CTIF: variants seen among roughly 807,000 people sequenced by gnomAD.
CTIF encodes CBP80/20-dependent translation initiation factor.
A neutral mutation model predicts 66.0 loss-of-function variants in CTIF; 21 were observed. That is an observed-to-expected ratio of 0.32 (90% CI 0.23 to 0.46). CTIF has a LOEUF of 0.46. Ranked by LOEUF, CTIF falls within the 20% of genes least tolerant of loss-of-function variation. CTIF has a pLI of 1.00. For synonymous variants in CTIF, 345 were observed against 326.4 expected (o/e 1.06, Z -0.62); for missense variants, 739 against 812.7 (o/e 0.91, Z 1.10).
intron 3 of CTIF, among the ~76,000 whole-genome samples, chr18:48,658,234 A>G (rs573527907): frequency 4.0e-5 from 6 of 151,680 alleles, no homozygotes; most frequent in African/African-American, 9.7e-5. Context: ...GTGTGTGTGT[A>G]TATGCCTGTG....
At chr18:48,671,565 A>G (rs1320056141) in intron 6 of CTIF, among the ~76,000 whole-genome samples, 1 of 152,182 alleles carries the variant, frequency 6.6e-6, no homozygotes, top group African/African-American at 2.4e-5. Context: ...ATGAGAGACA[A>G]TAGAGCATAC....
chr18:48,556,453 A>G (rs1437767945), intron 1 of CTIF, among the ~76,000 whole-genome samples: 1 of 152,220 alleles, frequency 6.6e-6, no homozygotes, highest in Non-Finnish European at 1.5e-5. Context: ...CCCCAAGAAT[A>G]GAGATGTCAG....
At chr18:48,633,881 A>G (rs2090766760) in intron 2 of CTIF, among the ~76,000 whole-genome samples, 2 of 152,148 alleles carry the variant, frequency 1.3e-5, no homozygotes, top group South Asian at 4.1e-4. Flanking sequence ...CTTGTCACTC[A>G]CCTTGCCGTA....
At chr18:48,791,694 T>C (rs1411954487) in intron 9 of CTIF, among the ~76,000 whole-genome samples, 2 of 152,204 alleles carry the variant, frequency 1.3e-5, no homozygotes, top group Non-Finnish European at 2.9e-5. Flanking sequence ...TTTTATCACC[T>C]TCCTCCATGC....
chr18:48,742,725 C>T (rs1430064121), intron 7 of CTIF, among the ~76,000 whole-genome samples: 35 of 152,236 alleles, frequency 2.3e-4, no homozygotes, highest in Admixed American at 2.2e-3. Context: ...ACAGTAAGCA[C>T]CTTGCCCAGG....
intron 1 of CTIF, among the ~76,000 whole-genome samples, chr18:48,558,479 G>A (rs1174913211): frequency 1.3e-5 from 2 of 152,174 alleles, no homozygotes; most frequent in Non-Finnish European, 2.9e-5. Flanking sequence ...AATAATACAT[G>A]TTCAATTTCA....
chr18:48,566,408 G>A (rs536448282), intron 1 of CTIF: 1 of 152,452 alleles, frequency 6.6e-6, no homozygotes, highest in East Asian at 1.9e-4. Context: ...GGGACATACT[G>A]GGCCTCCCCA....
At chr18:48,835,401 G>A (rs910469355) in intron 10 of CTIF, among the ~76,000 whole-genome samples, 1 of 152,206 alleles carries the variant, frequency 6.6e-6, no homozygotes, top group African/African-American at 2.4e-5. Context: ...TGCCATTGAC[G>A]ATTTAGGTTG....
At chr18:48,781,106 A>G (rs908204030) in intron 9 of CTIF, among the ~76,000 whole-genome samples, 5 of 152,132 alleles carry the variant, frequency 3.3e-5, no homozygotes, top group African/African-American at 1.2e-4. Flanking sequence ...AAATGACCCC[A>G]AAGGGTTTGC....
In CTIF at chr18:48,730,458, T is replaced by C. The variant is rs1377933784; in HGVS notation, c.584+18763T>C. 9.9e-4 allele frequency among the ~76,000 whole-genome samples: 107 copies of C among 108,584 alleles called. 13 individuals carry two copies. The highest frequency in any genetic ancestry group is 1.6e-3 in the Non-Finnish European group (78 of 49,408). The allele number at this position is 108,584 out of a possible 152,430, so 71.2% of individuals were successfully genotyped here. A position where few individuals can be genotyped will look rare whatever the true frequency, so the allele number is the denominator to read the frequency against. ...AGGGGCCCCTGTGGTGTGAGGGGCT[T>C]CCGCGGTGTGAGGGGCTTCCGCGGT... On this transcript the variant is annotated intron_variant, in intron 7 of 11. Transcript: ENST00000256413.
At chr18:48,708,889 G>A (rs1192900292) in intron 6 of CTIF, among the ~76,000 whole-genome samples, 1 of 152,104 alleles carries the variant, frequency 6.6e-6, no homozygotes, top group African/African-American at 2.4e-5. Flanking sequence ...CCAAGGCTGG[G>A]GGCTCCATGA....
chr18:48,618,219 G>T (rs1306079714), intron 1 of CTIF, among the ~76,000 whole-genome samples: 1 of 152,234 alleles, frequency 6.6e-6, no homozygotes, highest in Non-Finnish European at 1.5e-5. Context: ...AGTTCTCAGG[G>T]TTAAGGTTCT....
chr18:48,688,108 A>G (rs1354485047), intron 6 of CTIF: 2 of 152,220 alleles, frequency 1.3e-5, no homozygotes, highest in East Asian at 3.8e-4. Context: ...AGTATAATAC[A>G]TTGCATCTTA....
chr18:48,838,246 G>A (rs182634709), intron 10 of CTIF, among the ~76,000 whole-genome samples: 101 of 152,234 alleles, frequency 6.6e-4, no homozygotes, highest in Admixed American at 9.8e-4. Context: ...TCAACAGCCC[G>A]TCAGCTTGTG....
At position 48,859,599 on chromosome 18, in the gene CTIF, G is replaced by T; in HGVS notation, c.*40G>T. 1.3e-6 allele frequency: 2 copies of T among 1,591,512 alleles called. No homozygotes were observed. The highest frequency in any genetic ancestry group is 1.7e-4 in the Middle Eastern group (1 of 6,012). On this transcript the variant is annotated 3_prime_UTR_variant, in exon 12 of 12. Transcript: ENST00000256413. ...GGCAGGCGGCCCACGGGCAGCTGGGGCCCTGGTGCACAGGGCCAGATGGAC... is the reference window on the plus strand; with the variant it reads ...GGCAGGCGGCCCACGGGCAGCTGGGTCCCTGGTGCACAGGGCCAGATGGAC...
chr18:48,711,669 G>C lies in CTIF; in HGVS notation c.558G>C (p.Leu186=), dbSNP rs773345694. The change falls in exon 7 of 12, where the codon CTG becomes CTC. Residue 186 remains leucine, a synonymous_variant. Transcript: ENST00000256413. ...HEVEIAHTKK[L]FRRRRNDRRR... The stretch of plus-strand genomic sequence containing the variant: ...TGGAGATCGCACACACCAAGAAGCT[G>C]TTCCGCAGGAGGAGAAATGATCGAA... 30 of 1,614,018 alleles carry C rather than the reference G, an allele frequency of 1.9e-5. No individual in the cohort carries two copies. The highest frequency in any genetic ancestry group is 3.3e-4 in the Middle Eastern group (2 of 6,084).
chr18:48,589,784 A>G (rs1299249180), intron 1 of CTIF, among the ~76,000 whole-genome samples: 1 of 152,178 alleles, frequency 6.6e-6, no homozygotes, highest in East Asian at 1.9e-4. Context: ...TGGGAGATGG[A>G]GGACAGAGGT....
intron 2 of CTIF, among the ~76,000 whole-genome samples, chr18:48,622,002 G>A (rs1373369979): frequency 6.6e-6 from 1 of 152,216 alleles, no homozygotes. Context: ...CACAGCTGTG[G>A]TTTCTCTCCA....
At position 48,761,473 on chromosome 18, in the gene CTIF, C is replaced by T. The variant is rs1908982400; in HGVS notation, c.1155C>T (p.Asn385=). The change falls in exon 9 of 12, where the codon AAC becomes AAT. Residue 385 remains asparagine (N), a synonymous_variant. Transcript: ENST00000256413. The surrounding 1 kb of genome is among the most constrained non-coding windows in gnomAD (Gnocchi z 4.2). ...LIEILNSMRN[N]SSDVDTKLTT... ...AGATCCTGAACAGCATGCGGAACAA[C>T]AGCAGCGACGTGGACACCAAGCTCA... is the stretch of plus-strand genomic sequence containing the variant. 1 of 1,614,214 alleles carries T rather than the reference C, an allele frequency of 6.2e-7. No homozygotes were observed. Among genetic ancestry groups the T allele is most frequent in the Non-Finnish European group, 8.5e-7 (1 of 1,180,054 alleles).
Sources: gnomAD v4.1 joint callset for allele counts (sites outside exome capture counted in the v4.1 genomes callset) on GRCh38, gnomAD v4.1.1 for gene constraint, Gnocchi (gnomAD v3.1) non-coding constraint, MANE v1.5 for transcripts, NCBI Gene and HGNC (gene_info 2026-07-23, HGNC 2026-07-21) for gene names.